Variants in ZNF654 observed in about 807,000 individuals in gnomAD.
ZNF654 encodes the protein melanoma-associated antigen.
Under a neutral mutation model 95.3 loss-of-function variants are expected in ZNF654, and 19 were observed. That is an observed-to-expected ratio of 0.20 (90% CI 0.14 to 0.29). ZNF654 has a LOEUF of 0.29. Ranked by LOEUF, ZNF654 falls within the 10% of genes least tolerant of loss-of-function variation. ZNF654 has a pLI of 1.00. For synonymous variants in ZNF654, 413 were observed against 457.9 expected (o/e 0.90, Z 1.25); for missense variants, 1,046 against 1,341.0 (o/e 0.78, Z 3.44).
chr3:88,141,114 A>G lies in ZNF654; in HGVS notation c.3379+66A>G, dbSNP rs887968916. 2.9e-5 allele frequency: 44 copies of G among 1,507,646 alleles called. No homozygotes were observed. In the African/African-American group the frequency reaches 5.9e-4, roughly 20 times the overall value. 93.4% of individuals were successfully genotyped at this position (1,507,646 alleles called of 1,614,324 possible). On this transcript the variant is annotated intron_variant, in intron 8 of 8. Transcript: ENST00000636215. ...AGAAAATGGCATAAATAAAACTATTATAGATCTTTGAGATTTAAAAAATTG... is the reference window on the plus strand; with the variant it reads ...AGAAAATGGCATAAATAAAACTATTGTAGATCTTTGAGATTTAAAAAATTG...
At chr3:88,125,708 C>T (rs1706058655) in intron 3 of ZNF654, among the ~76,000 whole-genome samples, 2 of 152,190 alleles carry the variant, frequency 1.3e-5, no homozygotes, top group Admixed American at 6.5e-5. Context: ...CAGAGAGAGA[C>T]TTTACATTTA....
intron 2 of ZNF654, among the ~76,000 whole-genome samples, chr3:88,101,492 T>G (rs554683372): frequency 3.9e-5 from 6 of 152,210 alleles, no homozygotes; most frequent in African/African-American, 7.2e-5. Flanking sequence ...AATAATGTTC[T>G]TGAGGTTTAC....
intron 2 of ZNF654, among the ~76,000 whole-genome samples, chr3:88,097,373 T>G (rs1012907021): frequency 1.3e-5 from 2 of 151,522 alleles, no homozygotes; most frequent in African/African-American, 4.8e-5. Context: ...TTTTTTTTTT[T>G]TTAAATAATG....
At chr3:88,102,642 A>G (rs1295183311) in intron 2 of ZNF654, among the ~76,000 whole-genome samples, 4 of 152,184 alleles carry the variant, frequency 2.6e-5, no homozygotes, top group African/African-American at 9.6e-5. Flanking sequence ...ATCCAATAGA[A>G]TAGTGCAAGA....
intron 2 of ZNF654, among the ~76,000 whole-genome samples, chr3:88,107,494 A>T (rs535506880): frequency 6.6e-6 from 1 of 151,968 alleles, no homozygotes; most frequent in African/African-American, 2.4e-5. Context: ...ATTTATCTCT[A>T]TTGGCATTTT....
chr3:88,141,550 T>C, intron 8 of ZNF654, 95 bp from the exon 9 acceptor site: 4 of 925,398 alleles, frequency 4.3e-6, no homozygotes, highest in Non-Finnish European at 4.7e-6. Flanking sequence ...CAATATCCTT[T>C]AAAATGACAG....
intron 2 of ZNF654, among the ~76,000 whole-genome samples, chr3:88,108,961 C>G (rs1704912919): frequency 6.6e-6 from 1 of 152,050 alleles, no homozygotes; most frequent in African/African-American, 2.4e-5. Context: ...AAATTTAAAG[C>G]CACATGGTGC....
intron 1 of ZNF654, among the ~76,000 whole-genome samples, chr3:88,066,836 A>G (rs1403079087): frequency 1.3e-5 from 2 of 152,340 alleles, no homozygotes; most frequent in Admixed American, 6.5e-5. Flanking sequence ...GTAGTAAAAT[A>G]TGTGTCTGGT....
chr3:88,085,769 T>A (rs542090109), intron 1 of ZNF654, among the ~76,000 whole-genome samples: 1 of 152,296 alleles, frequency 6.6e-6, no homozygotes, highest in East Asian at 1.9e-4. Flanking sequence ...CTTTTCCCCA[T>A]AGTATGTACA....
At chr3:88,133,678 C>T (rs1356155250) in intron 6 of ZNF654, among the ~76,000 whole-genome samples, 1 of 152,088 alleles carries the variant, frequency 6.6e-6, no homozygotes, top group Non-Finnish European at 1.5e-5. Flanking sequence ...AAACTCCTAA[C>T]TCTACAACCC....
At position 88,108,203 on chromosome 3, in the gene ZNF654, GT is replaced by G. The variant is rs879906166; in HGVS notation, c.333-4900del. Among the ~76,000 whole-genome samples the G allele has an allele frequency of 1.2e-3, 170 of 146,222 alleles. 2 individuals are homozygous for G. Among genetic ancestry groups the G allele is most frequent in the Middle Eastern group, 7.1e-3 (2 of 282 alleles). On this transcript the variant is annotated intron_variant, in intron 2 of 8. Transcript: ENST00000636215. ...CCTACATGAGAAGATTTTCAAAGTA[GT>G]TTTTTTTTTTTCCTATTTCTACTTA...
At position 88,140,728 on chromosome 3, in the gene ZNF654, C is replaced by T. The variant is rs143384053; in HGVS notation, c.3059C>T (p.Thr1020Ile). The change falls in exon 8 of 9, where the codon ACC becomes ATC. Residue 1020 changes from threonine (T) to isoleucine (I), a missense_variant. By Grantham distance (89) the Thr-to-Ile change is moderately conservative. Transcript: ENST00000636215. ...LPSVVPQEHNTLPVSQAPSKP... is the reference protein window; with the variant it reads ...LPSVVPQEHNILPVSQAPSKP... ...AGTGTTGTACCACAAGAACACAACA[C>T]CTTGCCAGTATCTCAGGCACCTTCC... The T allele has an allele frequency of 2.0e-4, 321 of 1,613,692 alleles. No individual in the cohort carries two copies. In the African/African-American group the frequency reaches 3.6e-3, roughly 18 times the overall value.
At chr3:88,108,591 G>A (rs1438412736) in intron 2 of ZNF654, among the ~76,000 whole-genome samples, 2 of 152,060 alleles carry the variant, frequency 1.3e-5, no homozygotes, top group African/African-American at 2.4e-5. Flanking sequence ...CAACTAGGAT[G>A]TGCATTATCC....
intron 6 of ZNF654, among the ~76,000 whole-genome samples, chr3:88,131,314 G>A (rs746843424): frequency 6.6e-6 from 1 of 152,128 alleles, no homozygotes; most frequent in Non-Finnish European, 1.5e-5. Flanking sequence ...GTTACACTGC[G>A]TATAACTGTA....
intron 1 of ZNF654, among the ~76,000 whole-genome samples, chr3:88,070,709 C>T (rs1707463230): frequency 6.6e-6 from 1 of 151,262 alleles, no homozygotes; most frequent in South Asian, 2.1e-4. Flanking sequence ...ACTTTTTGGC[C>T]CCTTAAGAAA....
At chr3:88,083,063 C>T (rs1157257835) in intron 1 of ZNF654, among the ~76,000 whole-genome samples, 1 of 151,912 alleles carries the variant, frequency 6.6e-6, no homozygotes, top group Non-Finnish European at 1.5e-5. Context: ...CTCTTCCTCC[C>T]TCTTCTTCCT....
chr3:88,095,435 G>T (rs1033988938), intron 2 of ZNF654: 11 of 343,056 alleles, frequency 3.2e-5, no homozygotes, highest in Non-Finnish European at 6.1e-5. Context: ...TTTCCTCTTT[G>T]GTTTCTGTAT....
intron 3 of ZNF654, among the ~76,000 whole-genome samples, chr3:88,115,887 A>C (rs1263694076): frequency 1.3e-5 from 2 of 152,196 alleles, no homozygotes; most frequent in African/African-American, 4.8e-5. Context: ...ATAATGATAA[A>C]TGCTGGAAAT....
chr3:88,117,357 A>G (rs970238557), intron 3 of ZNF654, among the ~76,000 whole-genome samples: 4 of 152,200 alleles, frequency 2.6e-5, no homozygotes, highest in African/African-American at 7.2e-5. Flanking sequence ...CAGGCTGGCA[A>G]TAAAATTCTC....
Sources: allele counts gnomAD v4.1 joint callset (sites outside exome capture counted in the v4.1 genomes callset), GRCh38; gene constraint gnomAD v4.1.1; transcripts MANE v1.5; gene names NCBI Gene and HGNC (gene_info 2026-07-23, HGNC 2026-07-21).